TENM4: variants seen among roughly 807,000 people sequenced by gnomAD.
TENM4 encodes the protein teneurin transmembrane protein 4.
In TENM4, 82 loss-of-function variants were observed where a neutral mutation model predicts 243.3. The observed-to-expected ratio is 0.34, with a 90% CI of 0.28 to 0.40. The LOEUF (loss-of-function observed/expected upper bound fraction) is 0.40. Among genes scored for constraint, TENM4 ranks in the 10% least tolerant of loss-of-function variants. The probability of loss-of-function intolerance (pLI) is 1.00; values close to 1 mark genes in which losing one functional copy is unlikely to be tolerated. For synonymous variants in TENM4, 1,412 were observed against 1,456.3 expected (o/e 0.97, Z 0.69); for missense variants, 3,138 against 3,673.3 (o/e 0.85, Z 3.77).
At position 79,064,900 on chromosome 11, in the gene TENM4, C is replaced by T. The variant is rs1339828660; in HGVS notation, c.331G>A (p.Ala111Thr). 7.1e-6 allele frequency: 11 copies of T among 1,548,540 alleles called. No homozygotes were observed. Among genetic ancestry groups the T allele is most frequent in the Non-Finnish European group, 8.7e-6 (10 of 1,144,998 alleles). The change falls in exon 6 of 34, where the codon GCT becomes ACT. Residue 111 changes from alanine to threonine, a missense_variant. Physicochemically the swap from Ala to Thr is moderately conservative, Grantham distance 58. Around this residue, in one of 2 missense-constraint regions of TENM4, gnomAD observed 671 missense variants for 614.1 expected, o/e 1.09. Coordinates refer to ENST00000278550, the MANE Select transcript of TENM4 (RefSeq NM_001098816.3). ...GCCTCCATGTCGGCATCAGAGCCAG[C>T]CCCCATGGAGTAGCCGCAGTGGGGG... ...GLPHCGYSMG[A>T]GSDADMEADT...
At chr11:78,906,942 G>A (rs1483200024) in intron 6 of TENM4, among the ~76,000 whole-genome samples, 1 of 152,124 alleles carries the variant, frequency 6.6e-6, no homozygotes, top group African/African-American at 2.4e-5. Context: ...GGTTCATGTG[G>A]GGCAATTTGT....
intron 3 of TENM4, among the ~76,000 whole-genome samples, chr11:79,188,882 T>G (rs142996616): frequency 1.3e-5 from 2 of 152,304 alleles, no homozygotes; most frequent in Non-Finnish European, 2.9e-5. Flanking sequence ...TCTTCGCACA[T>G]GTTACCTGCA....
chr11:78,747,522 G>A (rs1169670896), intron 19 of TENM4, among the ~76,000 whole-genome samples: 1 of 152,304 alleles, frequency 6.6e-6, no homozygotes, highest in African/African-American at 2.4e-5. Context: ...TAGACCCACA[G>A]GGTGGACTCA....
chr11:79,087,452 A>T (rs1296205293), intron 4 of TENM4, among the ~76,000 whole-genome samples: 1 of 152,262 alleles, frequency 6.6e-6, no homozygotes, highest in Non-Finnish European at 1.5e-5. Flanking sequence ...AACATGCTGC[A>T]TGGGAATCCT....
chr11:79,306,647 G>A (rs1456459329), intron 1 of TENM4, among the ~76,000 whole-genome samples: 3 of 152,278 alleles, frequency 2.0e-5, no homozygotes, highest in East Asian at 1.9e-4. Context: ...TATGCCCCTG[G>A]TAGTGTGCAT....
At chr11:78,859,494 A>G (rs1279360667) in intron 10 of TENM4, among the ~76,000 whole-genome samples, 3 of 152,208 alleles carry the variant, frequency 2.0e-5, no homozygotes, top group Non-Finnish European at 4.4e-5. Flanking sequence ...TATAAAAGAA[A>G]TTTCTTAATG....
chr11:79,034,581 TAAAA>T (rs72065276), intron 6 of TENM4, among the ~76,000 whole-genome samples: 62 of 149,702 alleles, frequency 4.1e-4, no homozygotes, highest in African/African-American at 1.5e-3. Context: ...GAAGTTTAAT[TAAAA>T]AAAATTTTTT....
chr11:79,373,071 AT>A (rs1857817811), intron 1 of TENM4, among the ~76,000 whole-genome samples: 1 of 151,660 alleles, frequency 6.6e-6, no homozygotes, highest in Non-Finnish European at 1.5e-5. Context: ...TATGAAAAAA[AT>A]ATATATCTAA....
chr11:78,742,960 C>G (rs141207636), intron 19 of TENM4, among the ~76,000 whole-genome samples: 1 of 152,174 alleles, frequency 6.6e-6, no homozygotes, highest in Non-Finnish European at 1.5e-5. Flanking sequence ...GTCATCTGAC[C>G]TCTCTGAACC....
chr11:78,992,110 T>G (rs577789703), intron 6 of TENM4, among the ~76,000 whole-genome samples: 1 of 152,348 alleles, frequency 6.6e-6, no homozygotes, highest in South Asian at 2.1e-4. Context: ...TCAGAGTTAC[T>G]GCAGAGGCAG....
rs376239024 is a variant in TENM4 at position 78,670,148 on chromosome 11, C to T, written c.6197G>A (p.Arg2066Gln). 4.3e-6 allele frequency: 7 copies of T among 1,613,798 alleles called. No homozygotes were observed. The highest frequency in any genetic ancestry group is 1.7e-5 in the Admixed American group (1 of 60,000). Residue 2066 changes from arginine (R) to glutamine (Q), a missense_variant, in exon 32 of 34, where the codon CGA (arginine) becomes CAA (glutamine). Coordinates refer to ENST00000278550, the MANE Select transcript of TENM4 (RefSeq NM_001098816.3). ...RYRQIGPLID[R>Q]QIFRFTEEGM... ...TTCCTCAGTGAAGCGGAAGATCTGT[C>T]GGTCAATCAGGGGCCCAATCTGACG...
At chr11:79,082,765 G>A (rs1199230981) in intron 4 of TENM4, among the ~76,000 whole-genome samples, 2 of 152,190 alleles carry the variant, frequency 1.3e-5, no homozygotes, top group Non-Finnish European at 1.5e-5. Flanking sequence ...AGGGAGAGAT[G>A]TAGCTTTGGC....
rs140094144 is a variant in TENM4 at position 79,026,123 on chromosome 11, G to C, written c.493+38615C>G. On this transcript the variant is annotated intron_variant, in intron 6 of 33. Coordinates refer to ENST00000278550, the MANE Select transcript of TENM4 (RefSeq NM_001098816.3). ...GCAGTGCCTGGCCAGGTGTGAACAC[G>C]AGGGCAAATGTCCCAGTTCTGAAAG... 3.0e-3 allele frequency among the ~76,000 whole-genome samples: 454 copies of C among 152,308 alleles called. 3 individuals carry two copies. The highest frequency in any genetic ancestry group is 0.011 in the African/African-American group (439 of 41,564).
At chr11:79,147,265 A>C (rs1402898362) in intron 4 of TENM4, among the ~76,000 whole-genome samples, 1 of 152,076 alleles carries the variant, frequency 6.6e-6, no homozygotes, top group Non-Finnish European at 1.5e-5. Context: ...GAACATATAT[A>C]AATATTTGAT....
In TENM4 at chr11:78,764,527, T is replaced by C. The variant is rs188428070; in HGVS notation, c.2539+6465A>G. On this transcript the variant is annotated intron_variant, in intron 18 of 33. Transcript: ENST00000278550. Reference sequence around the variant, plus strand: ...ATGGTTGAATGAATGAATAAATGCATGCATTTTTTTATGTAAGAATCTCAA... The same window carrying C: ...ATGGTTGAATGAATGAATAAATGCACGCATTTTTTTATGTAAGAATCTCAA... Among the ~76,000 whole-genome samples, 5 of 152,356 alleles carry C rather than the reference T, an allele frequency of 3.3e-5. No homozygotes were observed. The South Asian group carries it at 8.3e-4, about 25-fold the overall frequency.
At position 78,653,596 on chromosome 11, in the gene TENM4, G is replaced by A. The variant is rs1857821704; in HGVS notation, c.*4462C>T. On this transcript the variant is annotated 3_prime_UTR_variant, in exon 34 of 34. Transcript: ENST00000278550. ...GGTTCAGAGGTGCTCAGAACAACAG[G>A]TGGATTTAGAAAAGTGGGATTCTGG... 6.6e-6 allele frequency: 1 copy of A among 152,256 alleles called. No individual in the cohort carries two copies. The highest frequency in any genetic ancestry group is 6.5e-5 in the Admixed American group (1 of 15,274). The allele number at this position is 152,256 out of a possible 1,614,324, so 9.4% of individuals were successfully genotyped here. A position where few individuals can be genotyped will look rare whatever the true frequency, so the allele number is the denominator to read the frequency against.
chr11:78,845,383 A>G (rs1488892711), intron 12 of TENM4, among the ~76,000 whole-genome samples: 2 of 152,216 alleles, frequency 1.3e-5, no homozygotes, highest in East Asian at 1.9e-4. Context: ...GGTGAGGGTA[A>G]GACTTATCCA....
chr11:78,973,922 C>A (rs914239226), intron 6 of TENM4, among the ~76,000 whole-genome samples: 15 of 151,856 alleles, frequency 9.9e-5, no homozygotes, highest in African/African-American at 3.6e-4. Flanking sequence ...CAAGCAGACA[C>A]CCAGGGGAAG....
intron 1 of TENM4, among the ~76,000 whole-genome samples, chr11:79,411,928 C>T (rs143627321): frequency 6.6e-6 from 1 of 152,208 alleles, no homozygotes; most frequent in East Asian, 1.9e-4. Flanking sequence ...TCAACAAATG[C>T]TCATCTTCAA....
Sources: gnomAD v4.1 joint callset for allele counts (sites outside exome capture counted in the v4.1 genomes callset) on GRCh38, gnomAD v4.1.1 for gene constraint, gnomAD v4.1.1 regional missense constraint, MANE v1.5 for transcripts, NCBI Gene and HGNC (gene_info 2026-07-23, HGNC 2026-07-21) for gene names.